The following SRGAP1 variants were observed in gnomAD, a reference collection of about 807,000 sequenced individuals.
SRGAP1 encodes SLIT-ROBO Rho GTPase-activating protein 1.
Under a neutral mutation model 121.9 loss-of-function variants are expected in SRGAP1, and 43 were observed. The observed-to-expected ratio is 0.35, with a 90% CI of 0.28 to 0.46. The LOEUF is 0.46. Among genes scored for constraint, SRGAP1 ranks in the 20% least tolerant of loss-of-function variants. SRGAP1 has a pLI of 1.00. For missense variants in SRGAP1, 1,102 were observed against 1,350.9 expected (o/e 0.82, Z 2.89); for synonymous variants, 447 against 485.4 (o/e 0.92, Z 1.04).
At chr12:63,885,426 A>G (rs1054580258) in intron 1 of SRGAP1, among the ~76,000 whole-genome samples, 1 of 152,128 alleles carries the variant, frequency 6.6e-6, no homozygotes, top group Non-Finnish European at 1.5e-5. Context: ...GAACCTCTAC[A>G]TGTTCAGCTG....
intron 1 of SRGAP1, among the ~76,000 whole-genome samples, chr12:63,956,354 T>G (rs1448999173): frequency 6.6e-6 from 1 of 152,148 alleles, no homozygotes; most frequent in Non-Finnish European, 1.5e-5. Flanking sequence ...CATGAACCCC[T>G]GCACCCAGCC....
At chr12:64,068,346 T>A (rs773125857) in intron 8 of SRGAP1, among the ~76,000 whole-genome samples, 24 of 149,066 alleles carry the variant, frequency 1.6e-4, no homozygotes, top group African/African-American at 3.0e-4. Context: ...GAAAAAAAAA[T>A]TTTTTTTGAG....
At chr12:64,112,839 G>A (rs183167432) in intron 17 of SRGAP1, among the ~76,000 whole-genome samples, 3 of 152,250 alleles carry the variant, frequency 2.0e-5, no homozygotes, top group Admixed American at 6.6e-5. Flanking sequence ...CTAAAAAAGT[G>A]GATCTCATAG....
At chr12:64,013,945 A>G (rs981111819) in intron 3 of SRGAP1, among the ~76,000 whole-genome samples, 3 of 152,218 alleles carry the variant, frequency 2.0e-5, no homozygotes, top group Non-Finnish European at 2.9e-5. Context: ...CAATAGAATC[A>G]ATGTCAAAAG....
At chr12:64,022,389 A>G (rs1165586499) in intron 4 of SRGAP1, among the ~76,000 whole-genome samples, 3 of 152,208 alleles carry the variant, frequency 2.0e-5, no homozygotes, top group African/African-American at 7.2e-5. Context: ...ACCATCACAC[A>G]GAGAGAGTGA....
chr12:63,917,358 C>CT (rs2136323112), intron 1 of SRGAP1, among the ~76,000 whole-genome samples: 1 of 152,292 alleles, frequency 6.6e-6, no homozygotes, highest in South Asian at 2.1e-4. Flanking sequence ...CTAGGGCTCT[C>CT]TAAGACAGTA....
intron 1 of SRGAP1, among the ~76,000 whole-genome samples, chr12:63,879,938 G>A (rs1252191046): frequency 6.6e-6 from 1 of 152,146 alleles, no homozygotes. Context: ...TCCATAATGG[G>A]TTGATATGGT....
At position 64,155,987 on chromosome 12, in the gene SRGAP1, C is replaced by T. The variant is rs556998703; in HGVS notation, c.*13315C>T. ...ACTGTGCTAACTGCTTTCATATTATCGGATTTAGTCCTGTAAGACCGGAAT... is the reference window on the plus strand; with the variant it reads ...ACTGTGCTAACTGCTTTCATATTATTGGATTTAGTCCTGTAAGACCGGAAT... On this transcript the variant is annotated 3_prime_UTR_variant, in exon 22 of 22. Transcript: ENST00000355086. The T allele has an allele frequency of 1.3e-5, 2 of 152,248 alleles. No homozygotes were observed. Among genetic ancestry groups the T allele is most frequent in the East Asian group, 1.9e-4 (1 of 5,180 alleles). 9.4% of individuals were successfully genotyped at this position (152,248 alleles called of 1,614,324 possible).
rs577269061 is a variant in SRGAP1, at chr12:64,159,247, C to G, written c.*16575C>G. The G allele has an allele frequency of 3.3e-5, 5 of 152,504 alleles. No individual in the cohort carries two copies. Among genetic ancestry groups the G allele is most frequent in the African/African-American group, 1.2e-4 (5 of 41,550 alleles). The allele number at this position is 152,504 out of a possible 1,614,324, so 9.4% of individuals were successfully genotyped here. A position where few individuals can be genotyped will look rare whatever the true frequency, so the allele number is the denominator to read the frequency against. ...TTAGAAGGCCGAGGTGGGTGGATCA[C>G]TTGAGGTCAGGAGTTCAGGACCAAC... On this transcript the variant is annotated 3_prime_UTR_variant, in exon 22 of 22. Coordinates refer to ENST00000355086, the MANE Select transcript of SRGAP1 (RefSeq NM_020762.4).
At chr12:64,137,018 C>G (rs1011283005) in intron 21 of SRGAP1, among the ~76,000 whole-genome samples, 2 of 152,118 alleles carry the variant, frequency 1.3e-5, no homozygotes, top group Non-Finnish European at 2.9e-5. Context: ...AATCCCAGCA[C>G]TTTGGGAGGC....
intron 1 of SRGAP1, among the ~76,000 whole-genome samples, chr12:63,956,623 C>A (rs1008813240): frequency 1.3e-5 from 2 of 150,172 alleles, no homozygotes; most frequent in Admixed American, 1.3e-4. Flanking sequence ...CCTAATACAA[C>A]AAAAATGTAA....
chr12:63,975,155 G>C (rs1242116000), intron 1 of SRGAP1, among the ~76,000 whole-genome samples: 1 of 152,172 alleles, frequency 6.6e-6, no homozygotes, highest in Non-Finnish European at 1.5e-5. Flanking sequence ...AGGGAAACAT[G>C]GTAGTTATTA....
chr12:63,849,697 AG>A (rs1272546762), intron 1 of SRGAP1, among the ~76,000 whole-genome samples: 1 of 152,248 alleles, frequency 6.6e-6, no homozygotes, highest in Admixed American at 6.5e-5. Flanking sequence ...TAGAATAGGA[AG>A]TGACAGCAAT....
At chr12:64,036,893 A>G (rs1020265854) in intron 4 of SRGAP1, among the ~76,000 whole-genome samples, 1 of 152,240 alleles carries the variant, frequency 6.6e-6, no homozygotes, top group African/African-American at 2.4e-5. Flanking sequence ...ATCTGAAGGT[A>G]CATAAACATG....
intron 21 of SRGAP1, among the ~76,000 whole-genome samples, chr12:64,128,455 C>T (rs2036735224): frequency 6.6e-6 from 1 of 152,140 alleles, no homozygotes; most frequent in Admixed American, 6.5e-5. Flanking sequence ...GACCAGGACA[C>T]TCAAACCTAT....
intron 1 of SRGAP1, among the ~76,000 whole-genome samples, chr12:63,852,015 C>G (rs1899090916): frequency 6.6e-6 from 1 of 152,162 alleles, no homozygotes; most frequent in Admixed American, 6.6e-5. Context: ...GAGACAGGGT[C>G]TCGCTCTGTT....
rs373151759 is a variant in SRGAP1, at chr12:63,889,428, C to T, written c.67+44545C>T. Among the ~76,000 whole-genome samples the T allele has an allele frequency of 7.2e-5, 11 of 152,086 alleles. No individual in the cohort carries two copies. In the East Asian group the frequency reaches 2.1e-3, roughly 29 times the overall value. ...TGATCCCCGTTCCTATTCCTCTACTCAAGTAGATTTGAAAACAGCATATCT... is the reference window on the plus strand; with the variant it reads ...TGATCCCCGTTCCTATTCCTCTACTTAAGTAGATTTGAAAACAGCATATCT... On this transcript the variant is annotated intron_variant, in intron 1 of 21. Coordinates refer to ENST00000355086, the MANE Select transcript of SRGAP1 (RefSeq NM_020762.4).
chr12:64,092,050 C>A, intron 12 of SRGAP1: 1 of 782,978 alleles, frequency 1.3e-6, no homozygotes, highest in Non-Finnish European at 2.0e-6. Context: ...ATTTGGAAAT[C>A]AGACAAGTTT....
At chr12:64,093,322 AT>A (rs2036090559) in intron 12 of SRGAP1, among the ~76,000 whole-genome samples, 2 of 152,194 alleles carry the variant, frequency 1.3e-5, no homozygotes, top group Non-Finnish European at 2.9e-5. Context: ...TGAAATACTG[AT>A]CATAGCTTTT....
Sources: allele counts gnomAD v4.1 joint callset (sites outside exome capture counted in the v4.1 genomes callset), GRCh38; gene constraint gnomAD v4.1.1; transcripts MANE v1.5; gene names NCBI Gene and HGNC (gene_info 2026-07-23, HGNC 2026-07-21).